The following SGCD variants were observed in gnomAD, a reference collection of about 807,000 sequenced individuals.
SGCD encodes sarcoglycan delta, also known as delta-sarcoglycan.
A neutral mutation model predicts 36.6 loss-of-function variants in SGCD; 18 were observed. The ratio of observed to expected loss-of-function variants is 0.49; its 90% confidence interval spans 0.34 to 0.73. SGCD has a LOEUF of 0.73. SGCD is among the 30% of genes least tolerant of loss of function. The pLI is 0.01. For missense variants in SGCD, 387 were observed against 346.7 expected (o/e 1.12, Z -0.92); for synonymous variants, 133 against 130.6 (o/e 1.02, Z -0.12).
At chr5:156,178,435 A>C (rs1047602114) in intron 3 of SGCD, among the ~76,000 whole-genome samples, 1 of 152,238 alleles carries the variant, frequency 6.6e-6, no homozygotes, top group Non-Finnish European at 1.5e-5. Flanking sequence ...GGACTATACG[A>C]ATATAAGAAT....
At chr5:156,017,852 C>G (rs1759017848) in intron 1 of SGCD, among the ~76,000 whole-genome samples, 2 of 152,034 alleles carry the variant, frequency 1.3e-5, no homozygotes, top group Non-Finnish European at 2.9e-5. Flanking sequence ...TTTTGACATT[C>G]ATATTGACAT....
At chr5:156,428,385 T>G (rs1773768611) in intron 3 of SGCD, among the ~76,000 whole-genome samples, 1 of 152,168 alleles carries the variant, frequency 6.6e-6, no homozygotes, top group African/African-American at 2.4e-5. Context: ...GGGTGTAATA[T>G]CTCCCATTTC....
the SGCD span, among the ~76,000 whole-genome samples, chr5:155,863,731 A>G: frequency 6.6e-6 from 1 of 151,880 alleles, no homozygotes; most frequent in Non-Finnish European, 1.5e-5. Flanking sequence ...CTATAGATGT[A>G]TCCCAGGGAT....
Position 156,077,625 on chromosome 5 carries a change from C to T in SGCD, c.-281-40253C>T, listed in dbSNP as rs138466205. Among the ~76,000 whole-genome samples, 5 of 152,266 alleles carry T rather than the reference C, an allele frequency of 3.3e-5. No individual in the cohort carries two copies. The East Asian group carries it at 5.8e-4, about 18-fold the overall frequency. ...TCATATGATAATTCCTGCCCTTACA[C>T]ACACACTGTACTAGGTCGAGAATCT... On this transcript the variant is annotated intron_variant, in intron 1 of 9. Coordinates refer to the SGCD transcript ENST00000517913.
chr5:156,001,252 A>C (rs1007166415), intron 1 of SGCD, among the ~76,000 whole-genome samples: 3 of 152,206 alleles, frequency 2.0e-5, no homozygotes, highest in African/African-American at 7.2e-5. Context: ...TGTTTAACGA[A>C]ATGAAGATTT....
In SGCD at chr5:156,697,534, C is replaced by G. The variant is rs1429393009; in HGVS notation, c.575+49998C>G. Among the ~76,000 whole-genome samples, 5 of 152,178 alleles carry G rather than the reference C, an allele frequency of 3.3e-5. No individual in the cohort carries two copies. In the East Asian group the frequency reaches 9.6e-4, roughly 29 times the overall value. On this transcript the variant is annotated intron_variant, in intron 7 of 8. Coordinates refer to ENST00000337851, the MANE Select transcript of SGCD (RefSeq NM_000337.6). ...CTTTGGGAAACAGTTTAAACATGAG[C>G]TATTTCTGTGAAGTTCTCCTTCAGC...
intron 3 of SGCD, among the ~76,000 whole-genome samples, chr5:156,426,605 C>A (rs1773682138): frequency 6.6e-6 from 1 of 151,776 alleles, no homozygotes; most frequent in African/African-American, 2.4e-5. Context: ...TGTTGTATTT[C>A]TTTGGTGTTC....
At chr5:156,005,888 C>T (rs1007621660) in intron 1 of SGCD, among the ~76,000 whole-genome samples, 2 of 152,196 alleles carry the variant, frequency 1.3e-5, no homozygotes, top group Non-Finnish European at 2.9e-5. Context: ...ATTCAGTGAT[C>T]CGATGGCACA....
chr5:156,436,245 A>G (rs551260810), intron 3 of SGCD, among the ~76,000 whole-genome samples: 1 of 152,320 alleles, frequency 6.6e-6, no homozygotes, highest in Non-Finnish European at 1.5e-5. Context: ...ATTTTGGTCA[A>G]TTTCTTAGGT....
At chr5:155,971,785 C>T (rs1280682237) in intron 1 of SGCD, among the ~76,000 whole-genome samples, 2 of 152,126 alleles carry the variant, frequency 1.3e-5, no homozygotes, top group African/African-American at 4.8e-5. Flanking sequence ...GACTCATTCG[C>T]TTTGCATGGT....
chr5:156,652,956 T>C (rs979412976), intron 7 of SGCD, among the ~76,000 whole-genome samples: 7 of 152,174 alleles, frequency 4.6e-5, no homozygotes, highest in Non-Finnish European at 8.8e-5. Context: ...TATTTAATCA[T>C]GGTAAATTAA....
chr5:155,758,056 T>C, the SGCD span, among the ~76,000 whole-genome samples: 5 of 152,110 alleles, frequency 3.3e-5, no homozygotes, highest in Non-Finnish European at 7.4e-5. Context: ...TTAAACCTCT[T>C]TCCTGTGTAA....
chr5:156,072,178 A>G (rs201743879), intron 1 of SGCD, among the ~76,000 whole-genome samples: 64 of 151,014 alleles, frequency 4.2e-4, no homozygotes, highest in Non-Finnish European at 8.4e-4. Context: ...TCATTATGAT[A>G]TTAGCTGGTT....
At chr5:155,890,036 A>G (rs1291862207) in intron 1 of SGCD, among the ~76,000 whole-genome samples, 2 of 152,212 alleles carry the variant, frequency 1.3e-5, no homozygotes, top group African/African-American at 4.8e-5. Context: ...CAAAGTGCAG[A>G]TTCTAAGACT....
In SGCD at chr5:156,650,962, T is replaced by C. The variant is rs539007650; in HGVS notation, c.575+3426T>C. On this transcript the variant is annotated intron_variant, in intron 7 of 8. Coordinates refer to ENST00000337851, the MANE Select transcript of SGCD (RefSeq NM_000337.6). ...CAGCGGTGTATAAGTGTTCCTTTAC[T>C]CCACAGTCTCACCAACATCTGTTGT... Among the ~76,000 whole-genome samples, 3 of 152,282 alleles carry C rather than the reference T, an allele frequency of 2.0e-5. No individual in the cohort carries two copies. In the South Asian group the frequency reaches 6.2e-4, roughly 32 times the overall value.
At chr5:156,454,829 T>C (rs1754180571) in intron 3 of SGCD, among the ~76,000 whole-genome samples, 1 of 152,116 alleles carries the variant, frequency 6.6e-6, no homozygotes, top group Non-Finnish European at 1.5e-5. Flanking sequence ...TTCTAGGTTA[T>C]TGTCAGGCAA....
At chr5:156,725,739 C>T (rs1755740078) in intron 7 of SGCD, among the ~76,000 whole-genome samples, 1 of 152,210 alleles carries the variant, frequency 6.6e-6, no homozygotes, top group African/African-American at 2.4e-5. Flanking sequence ...ACTGCCTGCT[C>T]AGCAGGGGTT....
chr5:156,076,651 T>G (rs111423366), intron 1 of SGCD, among the ~76,000 whole-genome samples: 3 of 152,330 alleles, frequency 2.0e-5, no homozygotes, highest in African/African-American at 7.2e-5. Context: ...CAGTAGCAGA[T>G]AGTCCCACAT....
chr5:155,867,127 T>G (rs530589764), upstream of SGCD, among the ~76,000 whole-genome samples: 190 of 152,200 alleles, frequency 1.2e-3, no homozygotes, highest in African/African-American at 4.4e-3. Flanking sequence ...AGCAAATAGT[T>G]TTAGGCTTTT....
Sources: allele counts gnomAD v4.1 joint callset (sites outside exome capture counted in the v4.1 genomes callset), GRCh38; gene constraint gnomAD v4.1.1; transcripts MANE v1.5; gene names NCBI Gene and HGNC (gene_info 2026-07-23, HGNC 2026-07-21).